Variants in TCP11L2 observed in about 807,000 individuals in gnomAD.
The protein encoded by TCP11L2 is t-complex 11 like 2, also known as T-complex protein 11-like protein 2.
A neutral mutation model predicts 50.7 loss-of-function variants in TCP11L2; 39 were observed. The ratio of observed to expected loss-of-function variants is 0.77; its 90% CI spans 0.60 to 1.01. TCP11L2 has a LOEUF of 1.01. Ranked by LOEUF, TCP11L2 falls within the 50% of genes least tolerant of loss-of-function variation. The probability of loss-of-function intolerance (pLI) is 0.00; values close to 1 mark genes in which losing one functional copy is unlikely to be tolerated. For synonymous variants in TCP11L2, 192 were observed against 219.3 expected (o/e 0.88, Z 1.10); for missense variants, 612 against 614.7 (o/e 1.00, Z 0.05).
At position 106,346,811 on chromosome 12, in the gene TCP11L2, A is replaced by C. The variant is rs572594447; in HGVS notation, c.*281A>C. 1.7e-4 allele frequency: 51 copies of C among 305,320 alleles called. No individual in the cohort carries two copies. The highest frequency in any genetic ancestry group is 8.4e-5 in the Non-Finnish European group (14 of 165,892). 18.9% of individuals were successfully genotyped at this position (305,320 alleles called of 1,614,324 possible). ...ATTTGTAATTAATTATATTACCTAT[A>C]TAATACTTGTAAATGTTTTCTTAAC... On this transcript the variant is annotated 3_prime_UTR_variant, in exon 10 of 10. Coordinates refer to ENST00000299045, the MANE Select transcript of TCP11L2 (RefSeq NM_152772.3).
intron 6 of TCP11L2, among the ~76,000 whole-genome samples, chr12:106,334,440 C>G (rs374694576): frequency 6.6e-6 from 1 of 152,158 alleles, no homozygotes; most frequent in Non-Finnish European, 1.5e-5. Context: ...TTCCTATTCT[C>G]TACATGTAAG....
intron 3 of TCP11L2, among the ~76,000 whole-genome samples, chr12:106,316,821 A>G (rs901606544): frequency 1.3e-5 from 2 of 152,192 alleles, no homozygotes; most frequent in African/African-American, 2.4e-5. Flanking sequence ...TTTAATAAAC[A>G]TTTATTGACT....
upstream of TCP11L2, among the ~76,000 whole-genome samples, chr12:106,299,610 C>T (rs753887537): frequency 1.5e-4 from 23 of 152,070 alleles, no homozygotes; most frequent in Admixed American, 2.0e-4. Flanking sequence ...TGAAGCCAGC[C>T]GTGGGAAAGA....
Position 106,321,647 on chromosome 12 carries a change from C to T in TCP11L2, c.576C>T (p.Pro192=), listed in dbSNP as rs368190626. 1.4e-5 allele frequency: 22 copies of T among 1,614,000 alleles called. No homozygotes were observed. Among genetic ancestry groups the T allele is most frequent in the Middle Eastern group, 1.6e-4 (1 of 6,082 alleles). The stretch of plus-strand genomic sequence containing the variant: ...GTACGATGGGAAAGCTGTGTGCTCC[C>T]GTGCGAGATAATGATATCAGAGAGT... ...VISTMGKLCA[P]VRDNDIRELK... is the part of the protein sequence containing the mutation. Residue 192 remains proline, a synonymous_variant, in exon 5 of 10, where the codon CCC becomes CCT. Transcript: ENST00000299045.
At chr12:106,323,711 A>G in intron 6 of TCP11L2, 65 bp downstream of exon 6, 3 of 647,016 alleles carry the variant, frequency 4.6e-6, no homozygotes, top group Non-Finnish European at 6.5e-6. Flanking sequence ...AAATGTTAAA[A>G]TTTAAATTAA....
At chr12:106,332,058 A>G (rs2035766075) in intron 6 of TCP11L2, among the ~76,000 whole-genome samples, 1 of 152,198 alleles carries the variant, frequency 6.6e-6, no homozygotes, top group Non-Finnish European at 1.5e-5. Context: ...GCTCTGTTTG[A>G]CAGATAATCA....
chr12:106,308,544 C>T (rs1318266771), intron 1 of TCP11L2, among the ~76,000 whole-genome samples: 1 of 152,128 alleles, frequency 6.6e-6, no homozygotes, highest in Admixed American at 6.5e-5. Flanking sequence ...GAAAAACAGC[C>T]AGAGCTCATT....
intron 6 of TCP11L2, chr12:106,329,601 T>TC: frequency 1.5e-6 from 2 of 1,360,764 alleles, no homozygotes; most frequent in African/African-American, 2.9e-5. Flanking sequence ...CATGAACTCT[T>TC]TTTTTCCTTT....
chr12:106,337,295 A>G (rs1444913502), intron 8 of TCP11L2, among the ~76,000 whole-genome samples: 1 of 152,224 alleles, frequency 6.6e-6, no homozygotes, highest in Non-Finnish European at 1.5e-5. Flanking sequence ...GAGCCCATGT[A>G]GTTACAGAAT....
At chr12:106,337,900 T>C (rs908475297) in intron 8 of TCP11L2, among the ~76,000 whole-genome samples, 2 of 152,230 alleles carry the variant, frequency 1.3e-5, no homozygotes, top group Middle Eastern at 3.2e-3. Context: ...TTTCATTGTT[T>C]AAATTTTTTT....
chr12:106,329,259 G>T, intron 6 of TCP11L2: 1 of 1,517,400 alleles, frequency 6.6e-7, no homozygotes, highest in South Asian at 1.2e-5. Flanking sequence ...CAATACCTGG[G>T]ACTGAGTAGG....
upstream of TCP11L2, among the ~76,000 whole-genome samples, chr12:106,298,479 G>T (rs2034376186): frequency 6.6e-6 from 1 of 152,158 alleles, no homozygotes; most frequent in Non-Finnish European, 1.5e-5. Context: ...GGAGAGAAAA[G>T]AAGTGGGATT....
chr12:106,318,909 T>A (rs138997436), intron 4 of TCP11L2, among the ~76,000 whole-genome samples: 6 of 123,570 alleles, frequency 4.9e-5, no homozygotes, highest in African/African-American at 1.1e-4. Flanking sequence ...TTTTTTTTTT[T>A]TTTTATTTTT....
rs188802632 is a variant in TCP11L2, at chr12:106,334,964, T to G, written c.773-675T>G. Among the ~76,000 whole-genome samples the G allele has an allele frequency of 1.0e-3, 157 of 151,710 alleles. 4 individuals carry two copies. In the East Asian group the frequency reaches 0.017, roughly 16 times the overall value. ...TTAAAAAAAAAGAAAAGAAAGAAAA[T>G]AATATTATTCAAAACTCCCCATTCC... On this transcript the variant is annotated intron_variant, in intron 6 of 9. Coordinates refer to ENST00000299045, the MANE Select transcript of TCP11L2 (RefSeq NM_152772.3).
chr12:106,329,261 C>A, intron 6 of TCP11L2: 1 of 1,523,836 alleles, frequency 6.6e-7, no homozygotes, highest in Non-Finnish European at 8.8e-7. Context: ...ATACCTGGGA[C>A]TGAGTAGGTG....
intron 3 of TCP11L2, 93 bp from the exon 4 acceptor site, chr12:106,318,251 A>T: frequency 2.1e-6 from 3 of 1,417,014 alleles, no homozygotes; most frequent in Non-Finnish European, 9.6e-7. Context: ...TGTTTTTTTT[A>T]CATTTTATAA....
intron 1 of TCP11L2, among the ~76,000 whole-genome samples, chr12:106,310,410 C>G (rs926055591): frequency 6.6e-6 from 1 of 152,170 alleles, no homozygotes; most frequent in Admixed American, 6.5e-5. Flanking sequence ...TAAAGACTTG[C>G]CAGCCAGAGG....
chr12:106,340,486 C>A (rs1238957661), intron 8 of TCP11L2, among the ~76,000 whole-genome samples: 1 of 152,176 alleles, frequency 6.6e-6, no homozygotes, highest in Admixed American at 6.5e-5. Flanking sequence ...TCCACTCAGA[C>A]CAACAAGTTT....
chr12:106,329,426 C>G, intron 6 of TCP11L2: 1 of 1,535,382 alleles, frequency 6.5e-7, no homozygotes, highest in Non-Finnish European at 8.7e-7. Flanking sequence ...AAGTCTCTGC[C>G]GATCCCTAAG....
Sources: gnomAD v4.1 joint callset for allele counts (sites outside exome capture counted in the v4.1 genomes callset) on GRCh38, gnomAD v4.1.1 for gene constraint, MANE v1.5 for transcripts, NCBI Gene and HGNC (gene_info 2026-07-23, HGNC 2026-07-21) for gene names.